The following MED12L variants were observed in gnomAD, a reference collection of about 807,000 sequenced individuals.
MED12L encodes the protein mediator complex subunit 12L.
Under a neutral mutation model 281.3 loss-of-function variants are expected in MED12L, and 60 were observed. The observed-to-expected ratio is 0.21, with a 90% CI of 0.17 to 0.26. The LOEUF (loss-of-function observed/expected upper bound fraction) is 0.26, where lower values mean the gene tolerates loss of function less well. MED12L is among the 10% of genes least tolerant of loss of function. MED12L has a pLI of 1.00. For missense variants in MED12L, 2,146 were observed against 2,680.9 expected (o/e 0.80, Z 4.41); for synonymous variants, 974 against 987.2 (o/e 0.99, Z 0.25).
At chr3:151,147,511 G>A (rs540669092) in intron 5 of MED12L, among the ~76,000 whole-genome samples, 2 of 152,210 alleles carry the variant, frequency 1.3e-5, no homozygotes, top group Non-Finnish European at 2.9e-5. Context: ...CCCATGAGCA[G>A]TCACTCCCCA....
intron 11 of MED12L, among the ~76,000 whole-genome samples, chr3:151,179,698 T>A (rs755809986): frequency 1.3e-5 from 2 of 152,208 alleles, no homozygotes; most frequent in Non-Finnish European, 2.9e-5. Context: ...TCATGCACCA[T>A]TGACCTTCCT....
chr3:151,236,528 C>T (rs1577065509), intron 16 of MED12L, among the ~76,000 whole-genome samples: 1 of 152,170 alleles, frequency 6.6e-6, no homozygotes, highest in African/African-American at 2.4e-5. Context: ...TGACAGTAAG[C>T]AGCTGCTCTT....
intron 16 of MED12L, among the ~76,000 whole-genome samples, chr3:151,308,268 T>C (rs566916659): frequency 5.4e-4 from 83 of 152,306 alleles, no homozygotes; most frequent in African/African-American, 1.8e-3. Flanking sequence ...ACTATGGCTA[T>C]TGTGAGTCAG....
chr3:151,418,095 A>G (rs1156805560), intron 43 of MED12L, among the ~76,000 whole-genome samples: 1 of 152,172 alleles, frequency 6.6e-6, no homozygotes, highest in African/African-American at 2.4e-5. Flanking sequence ...TAGTACAAAG[A>G]ATTTCCATAA....
intron 16 of MED12L, chr3:151,338,760 G>A: frequency 1.2e-6 from 2 of 1,613,840 alleles, no homozygotes; most frequent in South Asian, 2.2e-5. Flanking sequence ...GTAGAGCAGT[G>A]GGAAGAGGAC....
In MED12L at chr3:151,435,932, T is replaced by TAAAC. The variant is rs906724419; in HGVS notation, c.*3130_*3133dup. 1.8e-4 allele frequency: 28 copies of TAAAC among 152,288 alleles called. No homozygotes were observed. The highest frequency in any genetic ancestry group is 5.3e-4 in the African/African-American group (22 of 41,566). 9.4% of individuals were successfully genotyped at this position (152,288 alleles called of 1,614,324 possible). A position where few individuals can be genotyped will look rare whatever the true frequency, so the allele number is the denominator to read the frequency against. ...ATTCCTGCTCAGAAAAATTTCCTTA[T>TAAAC]AAACAGCTCCAAACCAGGGGTGCCT... On this transcript the variant is annotated 3_prime_UTR_variant, in exon 45 of 45. Transcript: ENST00000687756.
At chr3:151,164,507 C>T in intron 9 of MED12L, among the ~76,000 whole-genome samples, 1 of 151,990 alleles carries the variant, frequency 6.6e-6, no homozygotes, top group East Asian at 1.9e-4. Flanking sequence ...GGGTATATAC[C>T]CAAAGGATTA....
intron 16 of MED12L, chr3:151,214,155 C>G (rs774754091): frequency 3.1e-6 from 5 of 1,614,158 alleles, no homozygotes; most frequent in Admixed American, 1.7e-5. Flanking sequence ...TGATGAAACT[C>G]TTAGAGCTGG....
At chr3:151,379,493 T>A (rs1224799003) in intron 31 of MED12L, among the ~76,000 whole-genome samples, 1 of 152,244 alleles carries the variant, frequency 6.6e-6, no homozygotes, top group African/African-American at 2.4e-5. Flanking sequence ...TTGACACCTC[T>A]TTACCAGTGG....
At chr3:151,281,978 C>A (rs1400630932) in intron 16 of MED12L, among the ~76,000 whole-genome samples, 1 of 152,198 alleles carries the variant, frequency 6.6e-6, no homozygotes, top group East Asian at 1.9e-4. Flanking sequence ...CATTTTGATT[C>A]CATAAATGTC....
At chr3:151,417,511 C>T (rs1250842496) in intron 43 of MED12L, among the ~76,000 whole-genome samples, 2 of 76,070 alleles carry the variant, frequency 2.6e-5, no homozygotes, top group African/African-American at 5.8e-5. Context: ...TTTTTTGAGA[C>T]GGAATCTCAC....
intron 5 of MED12L, among the ~76,000 whole-genome samples, chr3:151,128,808 G>A (rs557055085): frequency 6.6e-6 from 1 of 152,174 alleles, no homozygotes; most frequent in South Asian, 2.1e-4. Context: ...TAAAATATTT[G>A]TATCTGTCAC....
At chr3:151,260,195 A>T (rs1158559102) in intron 16 of MED12L, among the ~76,000 whole-genome samples, 1 of 152,186 alleles carries the variant, frequency 6.6e-6, no homozygotes. Context: ...GTTTAAAAAT[A>T]AAGAAAAGAG....
chr3:151,143,769 A>G (rs1183480046), intron 5 of MED12L, among the ~76,000 whole-genome samples: 1 of 152,166 alleles, frequency 6.6e-6, no homozygotes, highest in Non-Finnish European at 1.5e-5. Context: ...GTGTCTTGCT[A>G]GAAGACAAGT....
At chr3:151,216,567 AT>A (rs975980147) in intron 16 of MED12L, among the ~76,000 whole-genome samples, 14 of 152,324 alleles carry the variant, frequency 9.2e-5, no homozygotes, top group African/African-American at 3.4e-4. Flanking sequence ...AACTAGAAAT[AT>A]TGATAGACTT....
At chr3:151,222,971 T>G (rs1729682164) in intron 16 of MED12L, among the ~76,000 whole-genome samples, 1 of 152,190 alleles carries the variant, frequency 6.6e-6, no homozygotes, top group South Asian at 2.1e-4. Flanking sequence ...AATTGGTATT[T>G]TATACCTATT....
chr3:151,175,657 G>A (rs1164961809), intron 11 of MED12L, among the ~76,000 whole-genome samples: 1 of 152,162 alleles, frequency 6.6e-6, no homozygotes, highest in Non-Finnish European at 1.5e-5. Flanking sequence ...GAAGACCTGT[G>A]GTTAGCTTCT....
At chr3:151,100,451 G>A (rs1721255239) in intron 2 of MED12L, among the ~76,000 whole-genome samples, 1 of 152,194 alleles carries the variant, frequency 6.6e-6, no homozygotes, top group Admixed American at 6.5e-5. Flanking sequence ...TAATAAAAAT[G>A]TATTTTGTTT....
intron 16 of MED12L, chr3:151,294,762 A>G: frequency 3.1e-6 from 5 of 1,614,178 alleles, no homozygotes; most frequent in Non-Finnish European, 4.2e-6. Context: ...ACACAAACAG[A>G]TAAAACCTTC....
Sources: gnomAD v4.1 joint callset for allele counts (sites outside exome capture counted in the v4.1 genomes callset) on GRCh38, gnomAD v4.1.1 for gene constraint, MANE v1.5 for transcripts, NCBI Gene and HGNC (gene_info 2026-07-23, HGNC 2026-07-21) for gene names.